PCDHGA1: variants seen among roughly 807,000 people sequenced by gnomAD.
PCDHGA1 encodes protocadherin gamma-A1.
A neutral mutation model predicts 58.0 loss-of-function variants in PCDHGA1; 32 were observed. The ratio of observed to expected loss-of-function variants is 0.55; its 90% CI spans 0.42 to 0.74. PCDHGA1 has a LOEUF of 0.74. Among genes scored for constraint, PCDHGA1 ranks in the 30% least tolerant of loss-of-function variants. The pLI is 0.00. For missense variants in PCDHGA1, 1,205 were observed against 1,182.3 expected, an observed-to-expected ratio of 1.02 and a Z score of -0.28; for synonymous variants, 498 against 501.1, an observed-to-expected ratio of 0.99 and a Z score of 0.08.
At chr5:141,360,170 G>C (rs72790010) in intron 1 of PCDHGA1, 42,447 of 1,607,730 alleles carry the variant, frequency 0.026, 720 homozygotes, top group East Asian at 0.041. Context: ...GGGCTGGTGC[G>C]GTGGCTGCAG....
rs773471969 is a variant in PCDHGA1, at chr5:141,422,101, A to G, written c.2422-72706A>G. 11 of 1,610,046 alleles carry G rather than the reference A, an allele frequency of 6.8e-6. No individual in the cohort carries two copies. The highest frequency in any genetic ancestry group is 4.5e-5 in the East Asian group (2 of 44,870). ...GAACATGGAAAGCAAGGCTTCTGAA[A>G]TATTCCAATTGGATTCACAAACTGG... On this transcript the variant is annotated intron_variant, in intron 1 of 3. Coordinates refer to ENST00000517417, the MANE Select transcript of PCDHGA1 (RefSeq NM_018912.3).
At chr5:141,345,466 A>G in intron 1 of PCDHGA1, 1 of 1,614,078 alleles carries the variant, frequency 6.2e-7, no homozygotes, top group South Asian at 1.1e-5. Context: ...ACAGCCCAGG[A>G]CCCAGATAGC....
chr5:141,436,519 C>A (rs770168763), intron 1 of PCDHGA1, among the ~76,000 whole-genome samples: 2 of 152,140 alleles, frequency 1.3e-5, no homozygotes, highest in African/African-American at 2.4e-5. Context: ...TTAACTGTGT[C>A]ACCTTTAGCA....
intron 1 of PCDHGA1, among the ~76,000 whole-genome samples, chr5:141,447,650 T>G (rs555134653): frequency 1.3e-5 from 2 of 151,988 alleles, no homozygotes; most frequent in Non-Finnish European, 2.9e-5. Flanking sequence ...GGTAGAATTT[T>G]CCCCCCCAGG....
intron 1 of PCDHGA1, among the ~76,000 whole-genome samples, chr5:141,439,259 G>A (rs1172204848): frequency 6.6e-6 from 1 of 151,900 alleles, no homozygotes; most frequent in African/African-American, 2.4e-5. Context: ...TGAAGATTCA[G>A]CCAACAGTTC....
At chr5:141,382,392 C>T (rs1778169191) in intron 1 of PCDHGA1, among the ~76,000 whole-genome samples, 1 of 152,092 alleles carries the variant, frequency 6.6e-6, no homozygotes, top group Non-Finnish European at 1.5e-5. Context: ...AACTGATTTT[C>T]CCATGTGCAA....
intron 1 of PCDHGA1, among the ~76,000 whole-genome samples, chr5:141,380,646 A>T (rs1221627488): frequency 6.6e-6 from 1 of 152,256 alleles, no homozygotes; most frequent in Non-Finnish European, 1.5e-5. Context: ...AATGCTAGAG[A>T]CAATGAAGCC....
At chr5:141,413,221 G>C (rs1384304697) in intron 1 of PCDHGA1, 1 of 1,613,570 alleles carries the variant, frequency 6.2e-7, no homozygotes, top group South Asian at 1.1e-5. Context: ...GGATTGCAGC[G>C]GGCTGGTCCT....
At chr5:141,413,124 AAC>A in intron 1 of PCDHGA1, 2 of 1,528,020 alleles carry the variant, frequency 1.3e-6, no homozygotes, top group Non-Finnish European at 1.8e-6. Flanking sequence ...AACCGGTTGA[AAC>A]ACACAACGTG....
chr5:141,421,557 C>T (rs764010392), intron 1 of PCDHGA1: 1 of 1,613,932 alleles, frequency 6.2e-7, no homozygotes, highest in South Asian at 1.1e-5. Context: ...TGGAACTTCT[C>T]GTGGAAGACA....
intron 1 of PCDHGA1, chr5:141,395,395 T>TA: frequency 1.1e-6 from 1 of 906,424 alleles, no homozygotes; most frequent in Non-Finnish European, 1.6e-6. Flanking sequence ...AATTGAACTC[T>TA]AATAGTCATA....
Position 141,476,642 on chromosome 5 carries a change from C to G in PCDHGA1, c.2422-18165C>G. 6.2e-7 allele frequency: 1 copy of G among 1,614,240 alleles called. No homozygotes were observed. The highest frequency in any genetic ancestry group is 8.5e-7 in the Non-Finnish European group (1 of 1,180,050). ...CTCTTTACAAACCTATGAGCTGAGC[C>G]GAAATGAATACTTTGCGCTTCGCGT... On this transcript the variant is annotated intron_variant, in intron 1 of 3. Transcript: ENST00000517417. This position sits in a 1 kb window ranked among gnomAD's most constrained non-coding sequence, Gnocchi z 7.6.
intron 1 of PCDHGA1, among the ~76,000 whole-genome samples, chr5:141,484,207 A>G (rs898823095): frequency 2.6e-5 from 4 of 152,218 alleles, no homozygotes; most frequent in Non-Finnish European, 5.9e-5. Context: ...ATCTATGAAC[A>G]TTAGCATTCT....
At position 141,487,939 on chromosome 5, in the gene PCDHGA1, C is replaced by A; in HGVS notation, c.2422-6868C>A. ...AGGCTACAGTGCACAGGGTACAGTG[C>A]ACCAGGCAGTCACTTGGACAAAGGT... On this transcript the variant is annotated intron_variant, in intron 1 of 3. Coordinates refer to ENST00000517417, the MANE Select transcript of PCDHGA1 (RefSeq NM_018912.3). The surrounding 1 kb of genome is among the most constrained non-coding windows in gnomAD (Gnocchi z 5.0). The A allele has an allele frequency of 1.7e-6, 1 of 600,512 alleles. No individual in the cohort carries two copies. Among genetic ancestry groups the A allele is most frequent in the Non-Finnish European group, 2.9e-6 (1 of 343,042 alleles). The allele number at this position is 600,512 out of a possible 1,614,324, so 37.2% of individuals were successfully genotyped here.
chr5:141,381,851 C>G (rs1252869923), intron 1 of PCDHGA1, among the ~76,000 whole-genome samples: 3 of 33,340 alleles, frequency 9.0e-5, no homozygotes, highest in Non-Finnish European at 1.6e-4. Context: ...TTTTTTTTGG[C>G]AGAGTTTTGC....
At chr5:141,471,654 G>A (rs1235665796) in intron 1 of PCDHGA1, 2 of 152,044 alleles carry the variant, frequency 1.3e-5, no homozygotes, top group South Asian at 2.1e-4. Flanking sequence ...CTGGATGTGG[G>A]GATGCAGAAA....
chr5:141,428,108 G>C (rs771684309), intron 1 of PCDHGA1: 6 of 1,608,094 alleles, frequency 3.7e-6, no homozygotes, highest in Admixed American at 1.7e-5. Context: ...ACGTGCTGCA[G>C]GCCATCGAGC....
chr5:141,364,757 A>G, intron 1 of PCDHGA1: 4 of 1,613,960 alleles, frequency 2.5e-6, no homozygotes, highest in Non-Finnish European at 3.4e-6. Flanking sequence ...AGTAAAAGTT[A>G]ATGAAAATGC....
At chr5:141,429,039 A>G (rs565483195) in intron 1 of PCDHGA1, 1 of 152,202 alleles carries the variant, frequency 6.6e-6, no homozygotes, top group East Asian at 1.9e-4. Flanking sequence ...CATTTTTAGT[A>G]CAGACGGGGT....
Sources: gnomAD v4.1 joint callset for allele counts (sites outside exome capture counted in the v4.1 genomes callset) on GRCh38, gnomAD v4.1.1 for gene constraint, Gnocchi (gnomAD v3.1) non-coding constraint, MANE v1.5 for transcripts, NCBI Gene and HGNC (gene_info 2026-07-23, HGNC 2026-07-21) for gene names.